Variants in MGAT4C observed in about 807,000 individuals in gnomAD.
MGAT4C encodes the protein MGAT4 family member C.
Under a neutral mutation model 40.1 loss-of-function variants are expected in MGAT4C, and 19 were observed. The ratio of observed to expected loss-of-function variants is 0.47; its 90% CI spans 0.33 to 0.70. MGAT4C has a LOEUF of 0.70. MGAT4C is among the 30% of genes least tolerant of loss of function. MGAT4C has a pLI of 0.02. For synonymous variants in MGAT4C, 181 were observed against 187.1 expected (o/e 0.97, Z 0.27); for missense variants, 491 against 563.2 (o/e 0.87, Z 1.30).
At chr12:86,748,104 C>G (rs10492295) in intron 1 of MGAT4C, among the ~76,000 whole-genome samples, 6,650 of 151,564 alleles carry the variant, frequency 0.044, 340 homozygotes, top group African/African-American at 0.12. Context: ...ATGTAAATAC[C>G]TGCAAAATTC....
intron 1 of MGAT4C, among the ~76,000 whole-genome samples, chr12:86,761,839 T>C (rs546341383): frequency 6.6e-6 from 1 of 152,250 alleles, no homozygotes; most frequent in South Asian, 2.1e-4. Context: ...TAGAATCTAG[T>C]GCCCCACAAA....
At chr12:86,231,654 C>T (rs1308944631) in intron 1 of MGAT4C, among the ~76,000 whole-genome samples, 2 of 152,066 alleles carry the variant, frequency 1.3e-5, no homozygotes, top group East Asian at 3.9e-4. Flanking sequence ...ATTCCTCTTT[C>T]ATTTAAAATT....
At chr12:86,214,128 C>T (rs1358755989) in intron 1 of MGAT4C, among the ~76,000 whole-genome samples, 1 of 152,214 alleles carries the variant, frequency 6.6e-6, no homozygotes, top group Non-Finnish European at 1.5e-5. Flanking sequence ...TCCAATTACA[C>T]TCTGCAATCC....
chr12:86,453,548 C>A (rs1957461282), intron 2 of MGAT4C, among the ~76,000 whole-genome samples: 1 of 151,936 alleles, frequency 6.6e-6, no homozygotes, highest in Non-Finnish European at 1.5e-5. Context: ...TATCCAGTAG[C>A]AAGTAAGCTA....
intron 2 of MGAT4C, among the ~76,000 whole-genome samples, chr12:86,040,899 G>A (rs561117505): frequency 1.3e-5 from 2 of 152,244 alleles, no homozygotes; most frequent in African/African-American, 4.8e-5. Flanking sequence ...GGAGTGCATG[G>A]TACAGTCCTA....
chr12:86,470,823 G>A (rs1957747623), intron 2 of MGAT4C, among the ~76,000 whole-genome samples: 1 of 151,966 alleles, frequency 6.6e-6, no homozygotes, highest in Non-Finnish European at 1.5e-5. Flanking sequence ...ACATAAATAT[G>A]TTATTTTCTC....
Position 85,979,974 on chromosome 12 carries a change from G to T in MGAT4C, c.752C>A (p.Thr251Asn), listed in dbSNP as rs547661699. Residue 251 changes from threonine (T) to asparagine (N), a missense_variant, in exon 5 of 5, where the codon ACT becomes AAT. Coordinates refer to ENST00000611864, the MANE Select transcript of MGAT4C (RefSeq NM_001351288.2). ...GTAGCCAAGCTTAGAGAATTCAAGA[G>T]TTACCCAGTAAGTTCCTTCTAGGGA... The part of the protein sequence containing the change: ...IASLEGTYWV[T>N]LEFSKLGYIG... The T allele has an allele frequency of 6.2e-7, 1 of 1,613,728 alleles. No individual in the cohort carries two copies. The highest frequency in any genetic ancestry group is 1.3e-5 in the African/African-American group (1 of 75,038).
intron 1 of MGAT4C, among the ~76,000 whole-genome samples, chr12:86,143,362 A>C (rs2135744955): frequency 6.6e-6 from 1 of 152,282 alleles, no homozygotes; most frequent in South Asian, 2.1e-4. Flanking sequence ...CCTGGACAAA[A>C]CCAATTTACA....
At chr12:86,774,395 T>A (rs200020666) in intron 1 of MGAT4C, among the ~76,000 whole-genome samples, 1 of 68,844 alleles carries the variant, frequency 1.5e-5, no homozygotes, top group African/African-American at 4.1e-5. Context: ...TCTCTCTCTC[T>A]CCTCTCTCTC....
chr12:86,109,309 G>A (rs905293393), intron 1 of MGAT4C, among the ~76,000 whole-genome samples: 4 of 151,966 alleles, frequency 2.6e-5, no homozygotes, highest in East Asian at 3.9e-4. Flanking sequence ...GATATATAGC[G>A]TGGTATTGTA....
chr12:86,759,821 T>G (rs1360553445), intron 1 of MGAT4C, among the ~76,000 whole-genome samples: 1 of 152,146 alleles, frequency 6.6e-6, no homozygotes, highest in Non-Finnish European at 1.5e-5. Flanking sequence ...AATAAATATA[T>G]TCTCTCATTG....
In MGAT4C at chr12:86,222,650, A is replaced by C. The variant is rs966395308; in HGVS notation, c.-57+33589T>G. On this transcript the variant is annotated intron_variant, in intron 1 of 4. Transcript: ENST00000611864. ...AATCTCTTTAGAAATGATCAAATTC[A>C]AAATGAACGTTTAAGATTTTGAAAC... Among the ~76,000 whole-genome samples, 4 of 152,246 alleles carry C rather than the reference A, an allele frequency of 2.6e-5. No individual in the cohort carries two copies. The East Asian group carries it at 7.7e-4, about 29-fold the overall frequency.
chr12:86,472,794 A>G (rs1341998661), intron 2 of MGAT4C, among the ~76,000 whole-genome samples: 1 of 152,180 alleles, frequency 6.6e-6, no homozygotes, highest in Non-Finnish European at 1.5e-5. Context: ...ACAAGTATAA[A>G]TTTTGAGTCA....
chr12:86,695,573 A>T lies in MGAT4C; in HGVS notation c.-229+31636T>A, dbSNP rs571887537. Reference sequence around the variant, plus strand: ...AAAATGTGGTGCATGTACGCAATGGAGTACTATTCATCCATAAGAAAGAAT... The same window carrying T: ...AAAATGTGGTGCATGTACGCAATGGTGTACTATTCATCCATAAGAAAGAAT... On this transcript the variant is annotated intron_variant, in intron 2 of 7. Coordinates refer to the MGAT4C transcript ENST00000548651. 5.3e-5 allele frequency among the ~76,000 whole-genome samples: 8 copies of T among 152,348 alleles called. No homozygotes were observed. In the South Asian group the frequency reaches 1.7e-3, roughly 32 times the overall value.
chr12:86,482,553 A>G (rs1399481909), intron 2 of MGAT4C, among the ~76,000 whole-genome samples: 8 of 152,058 alleles, frequency 5.3e-5, no homozygotes, highest in Non-Finnish European at 1.0e-4. Flanking sequence ...TACCTTCTAA[A>G]TGTATATGTT....
chr12:86,462,519 A>G (rs780885633), intron 2 of MGAT4C, among the ~76,000 whole-genome samples: 3 of 152,196 alleles, frequency 2.0e-5, no homozygotes, highest in Non-Finnish European at 4.4e-5. Context: ...ATAGATGTAT[A>G]TATAAAGGGG....
At chr12:86,604,817 A>C (rs1421581087) in intron 2 of MGAT4C, among the ~76,000 whole-genome samples, 1 of 152,128 alleles carries the variant, frequency 6.6e-6, no homozygotes, top group African/African-American at 2.4e-5. Flanking sequence ...AAAATAAAAA[A>C]TTATTCCATG....
chr12:86,297,433 A>G (rs945684110), intron 4 of MGAT4C, among the ~76,000 whole-genome samples: 13 of 152,230 alleles, frequency 8.5e-5, no homozygotes, highest in African/African-American at 3.1e-4. Flanking sequence ...TACATTTTAT[A>G]TAGAATTTTA....
At chr12:86,196,327 G>A (rs1339384364) in intron 1 of MGAT4C, among the ~76,000 whole-genome samples, 2 of 152,138 alleles carry the variant, frequency 1.3e-5, no homozygotes, top group Non-Finnish European at 2.9e-5. Flanking sequence ...GGTCTGATGC[G>A]CTGCCTTTTG....
Sources: gnomAD v4.1 joint callset for allele counts (sites outside exome capture counted in the v4.1 genomes callset) on GRCh38, gnomAD v4.1.1 for gene constraint, MANE v1.5 for transcripts, NCBI Gene and HGNC (gene_info 2026-07-23, HGNC 2026-07-21) for gene names.